The following ZNF536 variants were observed in gnomAD, a reference collection of about 807,000 sequenced individuals.
ZNF536 encodes the protein zinc finger protein 536.
Under a neutral mutation model 84.5 loss-of-function variants are expected in ZNF536, and 13 were observed. The ratio of observed to expected loss-of-function variants is 0.15; its 90% CI spans 0.10 to 0.24. The LOEUF (loss-of-function observed/expected upper bound fraction) is 0.24, where lower values mean the gene tolerates loss of function less well. ZNF536 is among the 10% of genes least tolerant of loss of function. ZNF536 has a pLI of 1.00. For missense variants in ZNF536, 1,536 were observed against 1,747.5 expected, an observed-to-expected ratio of 0.88 and a Z score of 2.16; for synonymous variants, 811 against 742.5, an observed-to-expected ratio of 1.09 and a Z score of -1.50.
chr19:30,525,932 A>G (rs546165392), intron 2 of ZNF536, among the ~76,000 whole-genome samples: 16 of 152,164 alleles, frequency 1.1e-4, no homozygotes, highest in Non-Finnish European at 1.9e-4. Context: ...TTATTCTAAA[A>G]AGCAATGAAA....
intron 2 of ZNF536, among the ~76,000 whole-genome samples, chr19:30,506,362 A>G (rs1214265837): frequency 6.6e-6 from 1 of 152,232 alleles, no homozygotes; most frequent in African/African-American, 2.4e-5. Flanking sequence ...AGAAACAAAC[A>G]AACAACAAAA....
intron 1 of ZNF536, among the ~76,000 whole-genome samples, chr19:30,655,343 A>G (rs1327574175): frequency 1.3e-5 from 2 of 152,222 alleles, no homozygotes; most frequent in African/African-American, 4.8e-5. Flanking sequence ...ATGTGAATAA[A>G]AGAATCTATT....
chr19:30,683,994 A>C (rs774522628), intron 1 of ZNF536, among the ~76,000 whole-genome samples: 38 of 152,154 alleles, frequency 2.5e-4, no homozygotes, highest in Non-Finnish European at 4.6e-4. Context: ...GTAACCGATC[A>C]CTCATATATT....
intron 2 of ZNF536, among the ~76,000 whole-genome samples, chr19:30,479,077 T>C (rs141743153): frequency 1.3e-5 from 2 of 152,326 alleles, no homozygotes; most frequent in East Asian, 3.9e-4. Context: ...TGGGATTGTG[T>C]ATCCCATATC....
intron 2 of ZNF536, among the ~76,000 whole-genome samples, chr19:30,325,176 C>T (rs536975487): frequency 3.3e-5 from 5 of 152,318 alleles, no homozygotes; most frequent in East Asian, 1.9e-4. Context: ...CACAGACGCC[C>T]GTCTAGGTCC....
chr19:30,273,415 T>C (rs2025961970), intron 1 of ZNF536, among the ~76,000 whole-genome samples: 1 of 152,220 alleles, frequency 6.6e-6, no homozygotes, highest in African/African-American at 2.4e-5. Flanking sequence ...GTCAGTGTTT[T>C]GAATTTTAGC....
In ZNF536 at chr19:30,443,734, G is replaced by A. The variant is rs2148151005; in HGVS notation, c.172G>A (p.Glu58Lys). Reference protein sequence around the residue: ...PELHPRPNPEEKPPASLEEKA... With the variant: ...PELHPRPNPEKKPPASLEEKA... ...GCTCCATCCCCGGCCCAACCCCGAG[G>A]AGAAGCCCCCCGCATCCCTGGAGGA... Residue 58 changes from glutamate to lysine, a missense_variant, in exon 2 of 5, where the codon GAG (glutamate) becomes AAG (lysine). Around this residue, in one of 8 missense-constraint regions of ZNF536, gnomAD observed 161 missense variants for 178.5 expected, o/e 0.90. Transcript: ENST00000355537. The A allele has an allele frequency of 6.2e-7, 1 of 1,613,190 alleles. No homozygotes were observed. The highest frequency in any genetic ancestry group is 8.5e-7 in the Non-Finnish European group (1 of 1,179,722).
At chr19:30,369,029 TG>T (rs1271079488), upstream of ZNF536, among the ~76,000 whole-genome samples, 1 of 152,176 alleles carries the variant, frequency 6.6e-6, no homozygotes, top group Non-Finnish European at 1.5e-5. Context: ...AAACTTGTTG[TG>T]AAGTGTTACC....
chr19:30,617,487 A>T (rs916611090), intron 1 of ZNF536, among the ~76,000 whole-genome samples: 1 of 151,100 alleles, frequency 6.6e-6, no homozygotes, highest in Non-Finnish European at 1.5e-5. Context: ...AGTAACTGGG[A>T]CGACAGGCGC....
chr19:30,606,429 G>T (rs2047894246), intron 1 of ZNF536, among the ~76,000 whole-genome samples: 1 of 152,078 alleles, frequency 6.6e-6, no homozygotes, highest in Non-Finnish European at 1.5e-5. Context: ...ATAACCTCTG[G>T]TCTTCATGGT....
chr19:30,404,172 C>T (rs1373704460), intron 1 of ZNF536, among the ~76,000 whole-genome samples: 1 of 152,224 alleles, frequency 6.6e-6, no homozygotes, highest in Non-Finnish European at 1.5e-5. Flanking sequence ...CACGCAGGGC[C>T]TGCCTACCTT....
chr19:30,654,150 C>T (rs2049815503), intron 1 of ZNF536, among the ~76,000 whole-genome samples: 2 of 152,176 alleles, frequency 1.3e-5, no homozygotes, highest in African/African-American at 4.8e-5. Flanking sequence ...AAGAAGTCTC[C>T]CTGGCTGCTA....
intron 2 of ZNF536, among the ~76,000 whole-genome samples, chr19:30,477,092 A>T (rs2053881541): frequency 6.6e-6 from 1 of 151,530 alleles, no homozygotes; most frequent in South Asian, 2.1e-4. Context: ...ACTAGCCTAT[A>T]TTTTCTTTGT....
At chr19:30,401,743 C>A (rs1334444498) in intron 1 of ZNF536, among the ~76,000 whole-genome samples, 4 of 152,136 alleles carry the variant, frequency 2.6e-5, no homozygotes, top group African/African-American at 9.7e-5. Context: ...AAAGGAAAAG[C>A]TAGATTTGTG....
At chr19:30,689,454 G>A (rs377261746) in intron 1 of ZNF536, among the ~76,000 whole-genome samples, 2 of 152,300 alleles carry the variant, frequency 1.3e-5, no homozygotes, top group African/African-American at 4.8e-5. Context: ...GCTCATTGCT[G>A]CTTTCCTTTT....
At chr19:30,535,933 G>C (rs901724014) in intron 3 of ZNF536, among the ~76,000 whole-genome samples, 225 of 150,290 alleles carry the variant, frequency 1.5e-3, no homozygotes, top group African/African-American at 4.9e-3. Flanking sequence ...GGCATCGCGT[G>C]GGGGGAGACA....
intron 1 of ZNF536, among the ~76,000 whole-genome samples, chr19:30,572,002 G>C (rs747368474): frequency 6.6e-6 from 1 of 152,278 alleles, no homozygotes; most frequent in East Asian, 1.9e-4. Flanking sequence ...AGCAAGGAAG[G>C]TGTTTGTGTG....
intron 2 of ZNF536, among the ~76,000 whole-genome samples, chr19:30,523,229 C>T (rs79182234): frequency 6.6e-6 from 1 of 152,194 alleles, no homozygotes; most frequent in African/African-American, 2.4e-5. Context: ...GATCTGCCCC[C>T]TCCCCATGCC....
chr19:30,675,243 G>A (rs1209336237), intron 1 of ZNF536, among the ~76,000 whole-genome samples: 5 of 152,154 alleles, frequency 3.3e-5, no homozygotes, highest in African/African-American at 7.2e-5. Context: ...GCAACCACTC[G>A]TCTCTGTTTC....
Sources: gnomAD v4.1 joint callset for allele counts (sites outside exome capture counted in the v4.1 genomes callset) on GRCh38, gnomAD v4.1.1 for gene constraint, gnomAD v4.1.1 regional missense constraint, MANE v1.5 for transcripts, NCBI Gene and HGNC (gene_info 2026-07-23, HGNC 2026-07-21) for gene names.